ERCC6L2: variants seen among roughly 807,000 people sequenced by gnomAD.
ERCC6L2 encodes DNA excision repair protein ERCC-6-like 2.
In ERCC6L2, 77 loss-of-function variants were observed where a neutral mutation model predicts 132.0. The observed-to-expected ratio is 0.58, with a 90% CI of 0.49 to 0.71. ERCC6L2 has a LOEUF of 0.71. Ranked by LOEUF, ERCC6L2 falls within the 30% of genes least tolerant of loss-of-function variation. The pLI, the probability that ERCC6L2 is intolerant of heterozygous loss-of-function variation, is 0.00. For synonymous variants in ERCC6L2, 583 were observed against 632.4 expected (o/e 0.92, Z 1.17); for missense variants, 1,542 against 1,837.6 (o/e 0.84, Z 2.94).
At chr9:96,005,244 C>T (rs1406908239) in intron 18 of ERCC6L2, among the ~76,000 whole-genome samples, 5 of 151,584 alleles carry the variant, frequency 3.3e-5, no homozygotes, top group African/African-American at 9.7e-5. Flanking sequence ...ACCTGGGAGG[C>T]GGAGCTTGCA....
intron 1 of ERCC6L2, among the ~76,000 whole-genome samples, chr9:95,877,936 T>C (rs1827374818): frequency 6.6e-6 from 1 of 152,200 alleles, no homozygotes; most frequent in African/African-American, 2.4e-5. Context: ...GAAATTACTC[T>C]CTACTGGAAG....
intron 17 of ERCC6L2, among the ~76,000 whole-genome samples, chr9:95,978,725 T>C (rs1832773786): frequency 6.6e-6 from 1 of 152,240 alleles, no homozygotes; most frequent in Non-Finnish European, 1.5e-5. Context: ...TTTTTGTTTA[T>C]ACATAGTCAC....
intron 8 of ERCC6L2, among the ~76,000 whole-genome samples, chr9:95,922,990 C>T (rs1829941737): frequency 6.6e-6 from 1 of 152,024 alleles, no homozygotes; most frequent in South Asian, 2.1e-4. Context: ...GTACTCTTTA[C>T]TCTTTGGGAG....
intron 5 of ERCC6L2, 136 bp from the exon 6 acceptor site, chr9:95,916,087 TAAAG>T: frequency 1.2e-6 from 1 of 865,352 alleles, no homozygotes; most frequent in South Asian, 1.8e-5. Context: ...GAAACTGTCG[TAAAG>T]AAAGAACATT....
chr9:95,997,011 T>C (rs1481755593), intron 17 of ERCC6L2, among the ~76,000 whole-genome samples: 1 of 152,158 alleles, frequency 6.6e-6, no homozygotes, highest in Non-Finnish European at 1.5e-5. Context: ...CCTGGGAGAA[T>C]CACTTGAAAC....
At chr9:95,915,637 AAC>A in intron 4 of ERCC6L2, 29 bp from the exon 5 acceptor site, 1 of 1,573,448 alleles carries the variant, frequency 6.4e-7, no homozygotes, top group African/African-American at 1.4e-5. Flanking sequence ...AAGTTTTCTC[AAC>A]CTCACCCTTC....
intron 13 of ERCC6L2, among the ~76,000 whole-genome samples, chr9:95,958,775 CA>C (rs1209458829): frequency 2.0e-5 from 3 of 152,128 alleles, no homozygotes; most frequent in Non-Finnish European, 4.4e-5. Flanking sequence ...CTCCCATTCA[CA>C]ATTGCTTCAA....
At chr9:96,011,530 C>G (rs181608434) in intron 18 of ERCC6L2, among the ~76,000 whole-genome samples, 36 of 152,342 alleles carry the variant, frequency 2.4e-4, no homozygotes, top group Non-Finnish European at 4.1e-4. Flanking sequence ...CTTTCTGCCT[C>G]TATCTTACCA....
At chr9:96,005,620 C>T (rs1487917387) in intron 18 of ERCC6L2, among the ~76,000 whole-genome samples, 14 of 151,364 alleles carry the variant, frequency 9.2e-5, no homozygotes, top group African/African-American at 3.4e-4. Flanking sequence ...AGACTGGTGG[C>T]CTTAGTGCAG....
At chr9:95,927,471 G>A (rs1388686644) in intron 9 of ERCC6L2, among the ~76,000 whole-genome samples, 2 of 152,216 alleles carry the variant, frequency 1.3e-5, no homozygotes, top group East Asian at 3.9e-4. Flanking sequence ...GCTTTGGACT[G>A]TTTGTTTCCT....
At chr9:95,882,778 C>T (rs1827661484) in intron 2 of ERCC6L2, among the ~76,000 whole-genome samples, 1 of 152,162 alleles carries the variant, frequency 6.6e-6, no homozygotes, top group African/African-American at 2.4e-5. Flanking sequence ...CTCTATGTTC[C>T]TTCAAGCCTA....
At position 95,958,736 on chromosome 9, in the gene ERCC6L2, G is replaced by A. The variant is rs552106566; in HGVS notation, c.1947+2723G>A. 2.4e-3 allele frequency among the ~76,000 whole-genome samples: 368 copies of A among 152,124 alleles called. 1 individual carries two copies. The highest frequency in any genetic ancestry group is 8.5e-3 in the African/African-American group (352 of 41,484). ...CAAGCATTCTCATACACCAATAACA[G>A]ACAAACAGAGAGCCAAATCATGAGT... On this transcript the variant is annotated intron_variant, in intron 13 of 18. Transcript: ENST00000653738.
intron 19 of ERCC6L2, among the ~76,000 whole-genome samples, chr9:96,031,009 C>T (rs556996649): frequency 6.6e-5 from 10 of 152,284 alleles, no homozygotes; most frequent in African/African-American, 2.2e-4. Flanking sequence ...AAGCATCTTC[C>T]TTCAGGATAG....
At chr9:96,027,213 A>AC (rs1031097966) in intron 19 of ERCC6L2, among the ~76,000 whole-genome samples, 1 of 149,574 alleles carries the variant, frequency 6.7e-6, no homozygotes, top group Non-Finnish European at 1.5e-5. Context: ...GCCACACCAC[A>AC]CCCCCGCCTC....
intron 12 of ERCC6L2, among the ~76,000 whole-genome samples, chr9:95,952,761 G>A (rs1831399610): frequency 6.6e-6 from 1 of 151,892 alleles, no homozygotes; most frequent in South Asian, 2.1e-4. Flanking sequence ...AATCACTTAA[G>A]CCTGGGAGAC....
intron 19 of ERCC6L2, among the ~76,000 whole-genome samples, chr9:96,032,665 G>C (rs1834474621): frequency 6.6e-6 from 1 of 152,192 alleles, no homozygotes; most frequent in East Asian, 1.9e-4. Flanking sequence ...CGGCAACTGA[G>C]AACCAGTTGC....
At chr9:95,957,057 TC>T (rs1477970358) in intron 13 of ERCC6L2, among the ~76,000 whole-genome samples, 2 of 152,218 alleles carry the variant, frequency 1.3e-5, no homozygotes, top group African/African-American at 4.8e-5. Flanking sequence ...CTAACTACTT[TC>T]CTGGTACTTT....
chr9:95,878,038 C>G (rs562690748), intron 1 of ERCC6L2, among the ~76,000 whole-genome samples: 2 of 152,184 alleles, frequency 1.3e-5, no homozygotes, highest in South Asian at 4.1e-4. Context: ...TAATGGGTAC[C>G]CTACGCTAAA....
intron 11 of ERCC6L2, among the ~76,000 whole-genome samples, chr9:95,937,775 G>C (rs1448344011): frequency 1.3e-5 from 2 of 150,940 alleles, no homozygotes; most frequent in Non-Finnish European, 1.5e-5. Context: ...TTTTTTCACT[G>C]ATTTTTCTCT....
Sources: allele counts gnomAD v4.1 joint callset (sites outside exome capture counted in the v4.1 genomes callset), GRCh38; gene constraint gnomAD v4.1.1; transcripts MANE v1.5; gene names NCBI Gene and HGNC (gene_info 2026-07-23, HGNC 2026-07-21).